Variants in ARL8B observed in about 807,000 individuals in gnomAD.
ARL8B encodes ARF like GTPase 8B.
ARL8B carries 9 observed loss-of-function variants against 30.6 expected under a neutral mutation model. That is an observed-to-expected ratio of 0.29 (90% CI 0.18 to 0.51). The LOEUF (loss-of-function observed/expected upper bound fraction) is 0.51. Among genes scored for constraint, ARL8B ranks in the 20% least tolerant of loss-of-function variants. ARL8B has a pLI of 0.97. For missense variants in ARL8B, 130 were observed against 227.2 expected, an observed-to-expected ratio of 0.57 and a Z score of 2.75; for synonymous variants, 74 against 76.0, an observed-to-expected ratio of 0.97 and a Z score of 0.14.
At chr3:5,153,970 T>C (rs10428151) in intron 1 of ARL8B, among the ~76,000 whole-genome samples, 57,795 of 151,870 alleles carry the variant, frequency 0.38, 12,408 homozygotes, top group African/African-American at 0.6. Flanking sequence ...GATGCTTTGA[T>C]TGTTTCTGAT....
chr3:5,127,822 A>G lies in ARL8B; in HGVS notation c.123+5234A>G, dbSNP rs372654720. 5.5e-3 allele frequency among the ~76,000 whole-genome samples: 806 copies of G among 145,922 alleles called. 6 individuals are homozygous for G. The highest frequency in any genetic ancestry group is 0.019 in the African/African-American group (750 of 39,332). ...TTGGAGGCAGAGCTTGCAGTGAGCCAAGATTGCGCCACTGCACTCCAGCCT... is the reference window on the plus strand; with the variant it reads ...TTGGAGGCAGAGCTTGCAGTGAGCCGAGATTGCGCCACTGCACTCCAGCCT... On this transcript the variant is annotated intron_variant, in intron 1 of 6. Transcript: ENST00000256496.
At chr3:5,156,404 T>C (rs528371745) in intron 1 of ARL8B, among the ~76,000 whole-genome samples, 26 of 151,926 alleles carry the variant, frequency 1.7e-4, no homozygotes, top group Non-Finnish European at 3.2e-4. Context: ...TTTTTTTTTT[T>C]CAGTTGTTCG....
intron 1 of ARL8B, among the ~76,000 whole-genome samples, chr3:5,127,430 T>C (rs548627569): frequency 1.6e-4 from 24 of 152,286 alleles, no homozygotes; most frequent in African/African-American, 5.5e-4. Context: ...GAATAAGAAA[T>C]ACAGACGTAA....
chr3:5,135,140 C>T (rs889586928), intron 1 of ARL8B, among the ~76,000 whole-genome samples: 2 of 152,100 alleles, frequency 1.3e-5, no homozygotes, highest in African/African-American at 2.4e-5. Context: ...TGAGCCACTG[C>T]GCCTGGCCTA....
chr3:5,124,256 ATTTTTTTTTTTTTT>A (rs35897178), intron 1 of ARL8B, among the ~76,000 whole-genome samples: 1 of 105,694 alleles, frequency 9.5e-6, no homozygotes, highest in East Asian at 2.8e-4. Flanking sequence ...AATACCACTA[ATTTTTTTTTTTTTT>A]TTTTTTTTTT....
chr3:5,147,815 C>A (rs1174238422), intron 1 of ARL8B, among the ~76,000 whole-genome samples: 1 of 151,454 alleles, frequency 6.6e-6, no homozygotes, highest in Non-Finnish European at 1.5e-5. Flanking sequence ...CCTACTGGGT[C>A]CTCCGGATCT....
intron 1 of ARL8B, among the ~76,000 whole-genome samples, chr3:5,158,183 T>C (rs2054548468): frequency 1.3e-5 from 2 of 152,126 alleles, no homozygotes; most frequent in South Asian, 4.1e-4. Context: ...AGGGTTTCAC[T>C]ATGTTGGCCA....
intron 6 of ARL8B, 23 bp from the exon 7 acceptor site, chr3:5,178,641 T>G: frequency 6.3e-7 from 1 of 1,590,054 alleles, no homozygotes; most frequent in Non-Finnish European, 8.6e-7. Context: ...TTTAATGTCT[T>G]CACTTTTCCC....
intron 1 of ARL8B, among the ~76,000 whole-genome samples, chr3:5,166,616 G>A (rs936801687): frequency 2.0e-5 from 3 of 152,178 alleles, no homozygotes; most frequent in Admixed American, 6.5e-5. Flanking sequence ...GGGATTACAG[G>A]TGTGAGCCAC....
chr3:5,158,881 T>C (rs2054554872), intron 1 of ARL8B, among the ~76,000 whole-genome samples: 2 of 151,896 alleles, frequency 1.3e-5, no homozygotes, highest in Non-Finnish European at 2.9e-5. Flanking sequence ...TTAATGAATA[T>C]GAAATTCATT....
chr3:5,124,593 A>G (rs2054213811), intron 1 of ARL8B, among the ~76,000 whole-genome samples: 1 of 152,070 alleles, frequency 6.6e-6, no homozygotes, highest in South Asian at 2.1e-4. Context: ...CAGCCTCCCA[A>G]GTAGCTGGGA....
intron 1 of ARL8B, among the ~76,000 whole-genome samples, chr3:5,138,205 T>TC (rs1553578540): frequency 6.6e-6 from 1 of 151,724 alleles, no homozygotes; most frequent in Non-Finnish European, 1.5e-5. Context: ...TTTTTTTTTT[T>TC]CACCAGAGTA....
At chr3:5,174,551 AATAGAC>A (rs2054708084) in intron 6 of ARL8B, 137 bp downstream of exon 6, 1 of 600,064 alleles carries the variant, frequency 1.7e-6, no homozygotes, top group Admixed American at 3.1e-5. Context: ...GAGAAAAAAG[AATAGAC>A]ATACCTTTTG....
chr3:5,173,681 C>T lies in ARL8B; in HGVS notation c.373-336C>T, dbSNP rs946994815. 3.3e-5 allele frequency among the ~76,000 whole-genome samples: 5 copies of T among 152,242 alleles called. No individual in the cohort carries two copies. In the South Asian group the frequency reaches 1.0e-3, roughly 32 times the overall value. On this transcript the variant is annotated intron_variant, in intron 4 of 6. Coordinates refer to ENST00000256496, the MANE Select transcript of ARL8B (RefSeq NM_018184.3). ...TGCAGTGAGCCCAGTGGCTGCTGCA[C>T]TCCAGCCTGGGTGACAGAGCGAGAC... is the stretch of plus-strand genomic sequence containing the variant.
intron 1 of ARL8B, among the ~76,000 whole-genome samples, chr3:5,125,820 A>T (rs1165411775): frequency 6.6e-6 from 1 of 152,206 alleles, no homozygotes; most frequent in Non-Finnish European, 1.5e-5. Context: ...GGCGTGAGCC[A>T]CTGTGCCCAG....
intron 1 of ARL8B, among the ~76,000 whole-genome samples, chr3:5,146,446 T>G (rs1010741366): frequency 6.6e-6 from 1 of 152,232 alleles, no homozygotes; most frequent in Non-Finnish European, 1.5e-5. Context: ...AATTAATTCC[T>G]CTATTACTGG....
chr3:5,152,014 C>T (rs968695004), intron 1 of ARL8B, among the ~76,000 whole-genome samples: 3 of 152,148 alleles, frequency 2.0e-5, no homozygotes, highest in Non-Finnish European at 4.4e-5. Flanking sequence ...CCAGGCAAAG[C>T]TTTGATTTGT....
intron 1 of ARL8B, 137 bp from the exon 2 acceptor site, chr3:5,170,366 C>A: frequency 2.1e-6 from 1 of 473,076 alleles, no homozygotes; most frequent in South Asian, 5.2e-5. Flanking sequence ...CCATAAGGAA[C>A]ATGTTCTTAA....
At chr3:5,157,047 T>C (rs1455106317) in intron 1 of ARL8B, 1 of 152,246 alleles carries the variant, frequency 6.6e-6, no homozygotes, top group Non-Finnish European at 1.5e-5. Context: ...TGATTTGTTA[T>C]TTTGTTTTGT....
Sources: gnomAD v4.1 joint callset for allele counts (sites outside exome capture counted in the v4.1 genomes callset) on GRCh38, gnomAD v4.1.1 for gene constraint, MANE v1.5 for transcripts, NCBI Gene and HGNC (gene_info 2026-07-23, HGNC 2026-07-21) for gene names.